FHIT: variants seen among roughly 807,000 people sequenced by gnomAD.
FHIT encodes the protein fragile histidine triad diadenosine triphosphatase.
Under a neutral mutation model 17.9 loss-of-function variants are expected in FHIT, and 19 were observed. That is an observed-to-expected ratio of 1.06 (90% CI 0.74 to 1.56). The LOEUF (loss-of-function observed/expected upper bound fraction) is 1.56. FHIT is among the 40% of genes most tolerant of loss of function. The probability of loss-of-function intolerance (pLI) is 0.00; values close to 1 mark genes in which losing one functional copy is unlikely to be tolerated. For synonymous variants in FHIT, 81 were observed against 69.7 expected (o/e 1.16, Z -0.81); for missense variants, 248 against 189.2 (o/e 1.31, Z -1.82).
chr3:61,004,176 A>G (rs1335839038), intron 3 of FHIT, among the ~76,000 whole-genome samples: 1 of 152,172 alleles, frequency 6.6e-6, no homozygotes, highest in African/African-American at 2.4e-5. Context: ...GTCCATGGTG[A>G]AACAAAAGTT....
chr3:59,811,748 G>A (rs1381433631), intron 8 of FHIT, among the ~76,000 whole-genome samples: 1 of 152,118 alleles, frequency 6.6e-6, no homozygotes. Context: ...GACAGCTCTG[G>A]GTCACTAGAG....
chr3:59,939,677 A>G (rs1262718710), intron 7 of FHIT, among the ~76,000 whole-genome samples: 1 of 152,238 alleles, frequency 6.6e-6, no homozygotes, highest in African/African-American at 2.4e-5. Flanking sequence ...GGCTACAGCC[A>G]ACTCAGGCTT....
intron 5 of FHIT, among the ~76,000 whole-genome samples, chr3:60,337,523 G>A (rs754253371): frequency 6.9e-4 from 105 of 152,080 alleles, no homozygotes; most frequent in Non-Finnish European, 1.2e-3. Context: ...TGAAATACAT[G>A]TTATGTTTTG....
chr3:60,864,597 G>C (rs77087215), intron 3 of FHIT, among the ~76,000 whole-genome samples: 3,303 of 152,134 alleles, frequency 0.022, 127 homozygotes, highest in African/African-American at 0.076. Flanking sequence ...GCTCTGTATT[G>C]GCAAGGAGGG....
chr3:61,171,898 T>C (rs2038015788), intron 2 of FHIT, among the ~76,000 whole-genome samples: 1 of 152,234 alleles, frequency 6.6e-6, no homozygotes, highest in South Asian at 2.1e-4. Flanking sequence ...TGTGAAAACA[T>C]AACTACTGCC....
At chr3:61,243,714 C>A (rs1031255128) in intron 1 of FHIT, among the ~76,000 whole-genome samples, 2 of 152,078 alleles carry the variant, frequency 1.3e-5, no homozygotes, top group Non-Finnish European at 2.9e-5. Flanking sequence ...TATAGCCCCC[C>A]ACTCCACCCC....
rs912567476 is a variant in FHIT, at chr3:60,980,838, T to TA, written c.-111+61208dup. Among the ~76,000 whole-genome samples the TA allele has an allele frequency of 1.5e-4, 23 of 152,068 alleles. No individual in the cohort carries two copies. The East Asian group carries it at 1.5e-3, about 10-fold the overall frequency. ...AACCTTTCTGAGCAGTTGCCAATAG[T>TA]AAAAAAAATGACATAAATTTAAGCA... is the stretch of plus-strand genomic sequence containing the variant. On this transcript the variant is annotated intron_variant, in intron 3 of 9. Transcript: ENST00000492590.
chr3:60,348,553 T>C (rs1190444896), intron 5 of FHIT, among the ~76,000 whole-genome samples: 1 of 152,196 alleles, frequency 6.6e-6, no homozygotes, highest in Non-Finnish European at 1.5e-5. Context: ...CTTAGATTTA[T>C]AATTCTAAGA....
intron 8 of FHIT, among the ~76,000 whole-genome samples, chr3:59,852,652 A>T (rs1004162050): frequency 4.6e-5 from 7 of 152,150 alleles, no homozygotes; most frequent in Non-Finnish European, 7.4e-5. Flanking sequence ...TCATTGTCCT[A>T]AAAGATCCTC....
Position 60,148,125 on chromosome 3 carries a change from T to C in FHIT, c.104-133973A>G, listed in dbSNP as rs548363537. Among the ~76,000 whole-genome samples, 28 of 152,206 alleles carry C rather than the reference T, an allele frequency of 1.8e-4. No individual in the cohort carries two copies. In the South Asian group the frequency reaches 2.3e-3, roughly 12 times the overall value. On this transcript the variant is annotated intron_variant, in intron 5 of 9. Transcript: ENST00000492590. ...CTAATATTTACTGCCCATGAAGAGA[T>C]AGCCACATTCACAAGAAAATAAATG...
chr3:60,961,053 T>G (rs950047198), intron 3 of FHIT, among the ~76,000 whole-genome samples: 3 of 152,236 alleles, frequency 2.0e-5, no homozygotes, highest in Non-Finnish European at 2.9e-5. Context: ...CCACCAACAG[T>G]GTAAAAGTTT....
chr3:60,100,419 T>C (rs1419559731), intron 5 of FHIT, among the ~76,000 whole-genome samples: 1 of 152,138 alleles, frequency 6.6e-6, no homozygotes, highest in Non-Finnish European at 1.5e-5. Flanking sequence ...AACCATTAAA[T>C]TCTTCACTGG....
At chr3:60,303,994 C>G (rs1708557917) in intron 5 of FHIT, among the ~76,000 whole-genome samples, 1 of 152,068 alleles carries the variant, frequency 6.6e-6, no homozygotes, top group African/African-American at 2.4e-5. Flanking sequence ...ATTCTTGTAC[C>G]CTTGCACAGC....
chr3:60,455,225 G>A (rs924132139), intron 5 of FHIT, among the ~76,000 whole-genome samples: 11 of 152,062 alleles, frequency 7.2e-5, no homozygotes, highest in East Asian at 3.9e-4. Flanking sequence ...AACCCCAATC[G>A]GGTTGGGTTT....
chr3:59,762,788 A>C (rs1434328946), intron 8 of FHIT, among the ~76,000 whole-genome samples: 2 of 152,302 alleles, frequency 1.3e-5, no homozygotes, highest in East Asian at 1.9e-4. Context: ...GCTGATCACC[A>C]ACACCTCACC....
chr3:60,752,107 C>G (rs189585443), intron 4 of FHIT, among the ~76,000 whole-genome samples: 1 of 152,048 alleles, frequency 6.6e-6, no homozygotes, highest in Admixed American at 6.6e-5. Flanking sequence ...GGGAAATTTG[C>G]AAAGTTTTAG....
chr3:60,168,141 A>G (rs950321449), intron 5 of FHIT, among the ~76,000 whole-genome samples: 2 of 152,320 alleles, frequency 1.3e-5, no homozygotes, highest in South Asian at 2.1e-4. Flanking sequence ...GAAACTCCAA[A>G]AACTCCTAGT....
chr3:61,137,262 CTTTT>C (rs67142172), intron 2 of FHIT, among the ~76,000 whole-genome samples: 16,044 of 105,432 alleles, frequency 0.15, 1,106 homozygotes, highest in East Asian at 0.43. Flanking sequence ...AGGTTTCACT[CTTTT>C]TTTTTTTTTT....
chr3:60,878,824 C>T (rs1240933566), intron 3 of FHIT, among the ~76,000 whole-genome samples: 1 of 152,092 alleles, frequency 6.6e-6, no homozygotes, highest in Non-Finnish European at 1.5e-5. Flanking sequence ...TGAACTCATC[C>T]TTTTTTATGG....
Sources: allele counts gnomAD v4.1 joint callset (sites outside exome capture counted in the v4.1 genomes callset), GRCh38; gene constraint gnomAD v4.1.1; transcripts MANE v1.5; gene names NCBI Gene and HGNC (gene_info 2026-07-23, HGNC 2026-07-21).